Variants in SRSF11 observed in about 807,000 individuals in gnomAD.
SRSF11 encodes serine/arginine-rich splicing factor 11.
Under a neutral mutation model 56.0 loss-of-function variants are expected in SRSF11, and 9 were observed. The observed-to-expected ratio is 0.16, with a 90% CI of 0.10 to 0.28. SRSF11 has a LOEUF of 0.28. Ranked by LOEUF, SRSF11 falls within the 10% of genes least tolerant of loss-of-function variation. The pLI, the probability that SRSF11 is intolerant of heterozygous loss-of-function variation, is 1.00. For missense variants in SRSF11, 421 were observed against 600.7 expected (o/e 0.70, Z 3.13); for synonymous variants, 222 against 215.3 (o/e 1.03, Z -0.27).
chr1:70,243,572 C>T (rs1258952480), intron 7 of SRSF11, among the ~76,000 whole-genome samples: 1 of 152,026 alleles, frequency 6.6e-6, no homozygotes, highest in Non-Finnish European at 1.5e-5. Flanking sequence ...AGTTACCTGG[C>T]TTATAAATGA....
chr1:70,226,191 CA>C (rs966796673), intron 1 of SRSF11, among the ~76,000 whole-genome samples: 101 of 135,460 alleles, frequency 7.5e-4, no homozygotes, highest in East Asian at 8.2e-4. Flanking sequence ...AACTCCATCT[CA>C]AAAAAAAAAA....
At chr1:70,222,461 GAGA>G (rs1670865302) in intron 1 of SRSF11, among the ~76,000 whole-genome samples, 2 of 152,174 alleles carry the variant, frequency 1.3e-5, no homozygotes, top group South Asian at 4.1e-4. Flanking sequence ...AGTTGTTCTT[GAGA>G]AGGATTTTTA....
At chr1:70,213,212 C>T (rs1669726469) in intron 1 of SRSF11, among the ~76,000 whole-genome samples, 1 of 152,128 alleles carries the variant, frequency 6.6e-6, no homozygotes, top group Non-Finnish European at 1.5e-5. Context: ...GCATCATTAT[C>T]CCCATTTTTC....
chr1:70,235,627 A>T, intron 5 of SRSF11, 77 bp downstream of exon 5: 1 of 1,372,246 alleles, frequency 7.3e-7, no homozygotes, highest in Non-Finnish European at 1.0e-6. Flanking sequence ...TTGATAGCTT[A>T]TAAGAAAGTT....
intron 2 of SRSF11, chr1:70,230,678 A>C (rs1672678038): frequency 4.0e-6 from 5 of 1,244,404 alleles, no homozygotes; most frequent in Non-Finnish European, 3.1e-6. Flanking sequence ...TCTTTTTTTA[A>C]TCAGAGGATC....
rs188168633 is a variant in SRSF11 at position 70,231,236 on chromosome 1, A to G, written c.338-1032A>G. The G allele has an allele frequency of 5.6e-4, 691 of 1,224,560 alleles. 4 individuals are homozygous for G. In the African/African-American group the frequency reaches 0.01, roughly 18 times the overall value. The allele number at this position is 1,224,560 out of a possible 1,614,324, so 75.9% of individuals were successfully genotyped here. A position where few individuals can be genotyped will look rare whatever the true frequency, so the allele number is the denominator to read the frequency against. On this transcript the variant is annotated intron_variant, in intron 2 of 11. Transcript: ENST00000370949. ...TTATGATGAGATGCAGTTTCTTAATATGTATTACAGAAATACTACTGGTAT... is the reference window on the plus strand; with the variant it reads ...TTATGATGAGATGCAGTTTCTTAATGTGTATTACAGAAATACTACTGGTAT...
chr1:70,234,672 T>G, intron 3 of SRSF11, 24 bp from the exon 4 acceptor site: 1 of 1,572,718 alleles, frequency 6.4e-7, no homozygotes, highest in Non-Finnish European at 8.6e-7. Flanking sequence ...AAGTTTTAAA[T>G]AAATAAAATT....
chr1:70,225,543 C>G (rs1041338641), intron 1 of SRSF11, among the ~76,000 whole-genome samples: 1 of 152,144 alleles, frequency 6.6e-6, no homozygotes, highest in Non-Finnish European at 1.5e-5. Context: ...TATCAGTGGC[C>G]TAAACCTGAA....
intron 2 of SRSF11, chr1:70,231,022 T>G: frequency 7.8e-7 from 1 of 1,287,180 alleles, no homozygotes; most frequent in Non-Finnish European, 1.0e-6. Flanking sequence ...TATCGGCACT[T>G]CTCAGTATAG....
intron 2 of SRSF11, chr1:70,230,829 G>C (rs1672719002): frequency 1.7e-6 from 2 of 1,168,138 alleles, no homozygotes; most frequent in Non-Finnish European, 2.1e-6. Flanking sequence ...ATATCCTCTT[G>C]AGACATAATT....
intron 3 of SRSF11, among the ~76,000 whole-genome samples, chr1:70,232,975 G>T (rs1197188047): frequency 6.6e-6 from 1 of 152,190 alleles, no homozygotes; most frequent in Non-Finnish European, 1.5e-5. Context: ...TAGTTTCAAA[G>T]ATTGTAGTGA....
chr1:70,222,639 A>G (rs1017574857), intron 1 of SRSF11: 2 of 152,242 alleles, frequency 1.3e-5, no homozygotes, highest in African/African-American at 2.4e-5. Flanking sequence ...AAAACAGACA[A>G]TTGGAATAAT....
intron 1 of SRSF11, among the ~76,000 whole-genome samples, chr1:70,228,126 A>C (rs1337591561): frequency 6.6e-6 from 1 of 152,168 alleles, no homozygotes; most frequent in Non-Finnish European, 1.5e-5. Context: ...TATTATAAAG[A>C]AACTGTTGAC....
chr1:70,223,438 CTT>C (rs1671080711), intron 1 of SRSF11, among the ~76,000 whole-genome samples: 1 of 152,168 alleles, frequency 6.6e-6, no homozygotes, highest in Admixed American at 6.5e-5. Context: ...GGACCAGAGT[CTT>C]TTTGTTTTGT....
intron 1 of SRSF11, among the ~76,000 whole-genome samples, chr1:70,227,968 T>C (rs529030227): frequency 6.6e-6 from 1 of 152,328 alleles, no homozygotes; most frequent in Non-Finnish European, 1.5e-5. Flanking sequence ...TCAAGAAAAC[T>C]CATTGATTAT....
chr1:70,245,761 T>A (rs1165374907), intron 8 of SRSF11, among the ~76,000 whole-genome samples: 1 of 152,158 alleles, frequency 6.6e-6, no homozygotes, highest in African/African-American at 2.4e-5. Context: ...CAGAAAAATA[T>A]AATGAGACCG....
intron 3 of SRSF11, among the ~76,000 whole-genome samples, chr1:70,233,509 G>A (rs568106737): frequency 6.6e-6 from 1 of 152,190 alleles, no homozygotes; most frequent in Non-Finnish European, 1.5e-5. Context: ...CAAAGTGCTG[G>A]GATTACAGGC....
intron 2 of SRSF11, chr1:70,230,043 C>T: frequency 1.0e-6 from 1 of 985,228 alleles, no homozygotes; most frequent in Non-Finnish European, 1.2e-6. Context: ...GAACAAGGGT[C>T]AAATCATGTG....
At chr1:70,230,735 G>A (rs1429355088) in intron 2 of SRSF11, 30 of 1,177,582 alleles carry the variant, frequency 2.5e-5, no homozygotes, top group Non-Finnish European at 3.1e-5. Flanking sequence ...CTTCTATCAG[G>A]TGTCTCACAA....
Sources: allele counts gnomAD v4.1 joint callset (sites outside exome capture counted in the v4.1 genomes callset), GRCh38; gene constraint gnomAD v4.1.1; transcripts MANE v1.5; gene names NCBI Gene and HGNC (gene_info 2026-07-23, HGNC 2026-07-21).